Variants in PSMD14 observed in about 807,000 individuals in gnomAD.
The protein encoded by PSMD14 is ubiquitin C-terminal hydrolase PSMD14.
PSMD14 carries 7 observed loss-of-function variants against 41.2 expected under a neutral mutation model. The observed-to-expected ratio is 0.17, with a 90% CI of 0.10 to 0.32. The LOEUF is 0.32. Ranked by LOEUF, PSMD14 falls within the 10% of genes least tolerant of loss-of-function variation. The pLI, the probability that PSMD14 is intolerant of heterozygous loss-of-function variation, is 1.00. For synonymous variants in PSMD14, 114 were observed against 122.3 expected, an observed-to-expected ratio of 0.93 and a Z score of 0.45; for missense variants, 139 against 375.6, an observed-to-expected ratio of 0.37 and a Z score of 5.21.
intron 3 of PSMD14, among the ~76,000 whole-genome samples, chr2:161,329,316 G>A (rs1682752865): frequency 6.6e-6 from 1 of 152,080 alleles, no homozygotes; most frequent in African/African-American, 2.4e-5. Flanking sequence ...TGTACAATTA[G>A]TCTTTTTTTA....
intron 3 of PSMD14, among the ~76,000 whole-genome samples, chr2:161,342,201 A>G (rs1225452256): frequency 6.6e-6 from 1 of 152,180 alleles, no homozygotes; most frequent in Admixed American, 6.5e-5. Context: ...TGAAATGAGC[A>G]TTCCTGTCTT....
intron 9 of PSMD14, among the ~76,000 whole-genome samples, chr2:161,392,511 G>A (rs1035236456): frequency 6.6e-6 from 1 of 152,078 alleles, no homozygotes; most frequent in African/African-American, 2.4e-5. Flanking sequence ...TATGCTGGGG[G>A]GGAGGATGTG....
chr2:161,354,441 C>T (rs954384969), intron 3 of PSMD14, among the ~76,000 whole-genome samples: 7 of 152,014 alleles, frequency 4.6e-5, no homozygotes, highest in Non-Finnish European at 7.4e-5. Context: ...GAGACGGTTT[C>T]GTCATGTTGC....
intron 3 of PSMD14, among the ~76,000 whole-genome samples, chr2:161,349,521 A>G (rs768541299): frequency 2.6e-5 from 4 of 152,190 alleles, no homozygotes; most frequent in Admixed American, 6.5e-5. Flanking sequence ...AGTTCTTTCA[A>G]TTATTTCAGT....
intron 1 of PSMD14, among the ~76,000 whole-genome samples, chr2:161,311,443 T>G (rs1689086187): frequency 6.6e-6 from 1 of 152,124 alleles, no homozygotes; most frequent in South Asian, 2.1e-4. Flanking sequence ...TAAAAATGAT[T>G]TTAAAGTATA....
intron 7 of PSMD14, chr2:161,383,203 A>G (rs1683590342): frequency 6.6e-6 from 1 of 152,262 alleles, no homozygotes; most frequent in African/African-American, 2.4e-5. Context: ...TTATACCAAA[A>G]TTAAAATGTA....
At position 161,389,896 on chromosome 2, in the gene PSMD14, T is replaced by G. The variant is rs1330348171; in HGVS notation, c.571-1208T>G. ...TTTTCTTTCTTTTTTGTTGTTTTTT[T>G]TTTTTTTTTTTTTTTTAGAGATGGG... On this transcript the variant is annotated intron_variant, in intron 8 of 11. Coordinates refer to ENST00000409682, the MANE Select transcript of PSMD14 (RefSeq NM_005805.6). Among the ~76,000 whole-genome samples the G allele has an allele frequency of 2.7e-4, 28 of 105,558 alleles. 2 individuals carry two copies. The highest frequency in any genetic ancestry group is 7.4e-4 in the African/African-American group (21 of 28,364). The allele number at this position is 105,558 out of a possible 152,430, so 69.3% of individuals were successfully genotyped here.
At chr2:161,398,202 C>T (rs1258691871) in intron 10 of PSMD14, among the ~76,000 whole-genome samples, 1 of 151,970 alleles carries the variant, frequency 6.6e-6, no homozygotes, top group East Asian at 1.9e-4. Flanking sequence ...ATGTAATTCC[C>T]TCTGTGATTG....
At chr2:161,369,024 C>T (rs952090152) in intron 5 of PSMD14, among the ~76,000 whole-genome samples, 1 of 151,786 alleles carries the variant, frequency 6.6e-6, no homozygotes, top group Non-Finnish European at 1.5e-5. Flanking sequence ...TAGAGAAACA[C>T]TCTACATGTT....
intron 3 of PSMD14, among the ~76,000 whole-genome samples, chr2:161,320,430 C>T (rs1012108750): frequency 1.3e-5 from 2 of 152,000 alleles, no homozygotes; most frequent in African/African-American, 4.8e-5. Flanking sequence ...TTTTCAGTAA[C>T]CTTATTGGTT....
At chr2:161,309,484 T>G (rs984594670) in intron 1 of PSMD14, among the ~76,000 whole-genome samples, 1 of 152,236 alleles carries the variant, frequency 6.6e-6, no homozygotes, top group Non-Finnish European at 1.5e-5. Context: ...TTAGTGCTTC[T>G]GACTTAATGT....
intron 5 of PSMD14, among the ~76,000 whole-genome samples, chr2:161,369,292 T>C (rs963432576): frequency 2.0e-5 from 3 of 152,098 alleles, no homozygotes; most frequent in Admixed American, 6.6e-5. Context: ...AAAGTTTTTC[T>C]TCTGACCCCA....
chr2:161,363,716 T>G (rs1437684767), intron 3 of PSMD14, among the ~76,000 whole-genome samples: 1 of 152,196 alleles, frequency 6.6e-6, no homozygotes, highest in African/African-American at 2.4e-5. Flanking sequence ...ATGGGAAAAG[T>G]TCCCTTGTCC....
chr2:161,314,877 A>G (rs941742845), intron 1 of PSMD14, among the ~76,000 whole-genome samples: 1 of 152,206 alleles, frequency 6.6e-6, no homozygotes, highest in African/African-American at 2.4e-5. Context: ...ATGCATGTAC[A>G]TGAACTTATT....
intron 3 of PSMD14, among the ~76,000 whole-genome samples, chr2:161,333,659 A>G (rs1406968271): frequency 6.6e-6 from 1 of 152,206 alleles, no homozygotes; most frequent in African/African-American, 2.4e-5. Context: ...GTAGATCACA[A>G]TTTAGCATCA....
At chr2:161,393,182 G>T (rs1380483227) in intron 9 of PSMD14, among the ~76,000 whole-genome samples, 1 of 152,184 alleles carries the variant, frequency 6.6e-6, no homozygotes, top group Non-Finnish European at 1.5e-5. Flanking sequence ...GGAATATCCT[G>T]TTGCTCCTTG....
At chr2:161,336,865 G>A (rs1023442631) in intron 3 of PSMD14, among the ~76,000 whole-genome samples, 53 of 152,138 alleles carry the variant, frequency 3.5e-4, no homozygotes, top group African/African-American at 6.3e-4. Flanking sequence ...GTGAGCCACC[G>A]TGCTCAGCCT....
chr2:161,394,837 T>C (rs796607202), intron 9 of PSMD14, among the ~76,000 whole-genome samples: 11 of 152,262 alleles, frequency 7.2e-5, no homozygotes, highest in African/African-American at 2.4e-4. Context: ...AGGTAAGTTA[T>C]GCAAAGATGA....
chr2:161,345,236 C>CTTTTTTTTTTTTTTT (rs869245727), intron 3 of PSMD14, among the ~76,000 whole-genome samples: 2 of 57,034 alleles, frequency 3.5e-5, no homozygotes, highest in Non-Finnish European at 6.1e-5. Context: ...ATCTCTGTGT[C>CTTTTTTTTTTTTTTT]TTTTTTTTTT....
Sources: gnomAD v4.1 joint callset for allele counts (sites outside exome capture counted in the v4.1 genomes callset) on GRCh38, gnomAD v4.1.1 for gene constraint, MANE v1.5 for transcripts, NCBI Gene and HGNC (gene_info 2026-07-23, HGNC 2026-07-21) for gene names.